The following POU2F1 variants were observed in gnomAD, a reference collection of about 807,000 sequenced individuals.
The protein encoded by POU2F1 is POU class 2 homeobox 1.
A neutral mutation model predicts 84.9 loss-of-function variants in POU2F1; 16 were observed. That is an observed-to-expected ratio of 0.19 (90% CI 0.13 to 0.29). The LOEUF (loss-of-function observed/expected upper bound fraction) is 0.29, where lower values mean the gene tolerates loss of function less well. Ranked by LOEUF, POU2F1 falls within the 10% of genes least tolerant of loss-of-function variation. The pLI, the probability that POU2F1 is intolerant of heterozygous loss-of-function variation, is 1.00. For missense variants in POU2F1, 738 were observed against 942.6 expected, an observed-to-expected ratio of 0.78 and a Z score of 2.84; for synonymous variants, 368 against 368.3, an observed-to-expected ratio of 1.00 and a Z score of 0.01.
chr1:167,363,945 C>G (rs529490361), intron 2 of POU2F1, among the ~76,000 whole-genome samples: 3 of 152,290 alleles, frequency 2.0e-5, no homozygotes, highest in African/African-American at 7.2e-5. Context: ...TTGTGCTCTT[C>G]TGACTGGTTT....
intron 9 of POU2F1, among the ~76,000 whole-genome samples, chr1:167,391,494 G>A (rs928052808): frequency 6.6e-6 from 1 of 150,916 alleles, no homozygotes; most frequent in African/African-American, 2.4e-5. Flanking sequence ...AAAATCCAAG[G>A]GTAGCATCCC....
intron 1 of POU2F1, among the ~76,000 whole-genome samples, chr1:167,257,399 A>G (rs533280532): frequency 6.6e-6 from 1 of 152,336 alleles, no homozygotes; most frequent in Admixed American, 6.5e-5. Context: ...TGAGAGGTGG[A>G]TGGCATTTTG....
At chr1:167,266,622 A>ATT (rs34659711) in intron 1 of POU2F1, among the ~76,000 whole-genome samples, 94 of 136,820 alleles carry the variant, frequency 6.9e-4, no homozygotes, top group African/African-American at 1.9e-3. Context: ...AATACTATTA[A>ATT]TTTTTTTTTT....
At chr1:167,293,403 A>G (rs1252982392) in intron 1 of POU2F1, among the ~76,000 whole-genome samples, 1 of 152,202 alleles carries the variant, frequency 6.6e-6, no homozygotes, top group Non-Finnish European at 1.5e-5. Context: ...TAAAATACCT[A>G]GGAATATACT....
intron 1 of POU2F1, among the ~76,000 whole-genome samples, chr1:167,288,576 G>T (rs1376882169): frequency 3.3e-5 from 5 of 152,144 alleles, no homozygotes; most frequent in Admixed American, 3.3e-4. Flanking sequence ...TGTAGTTCCA[G>T]CTACTCAGGA....
chr1:167,263,657 CT>C (rs1651738289), intron 1 of POU2F1, among the ~76,000 whole-genome samples: 1 of 152,186 alleles, frequency 6.6e-6, no homozygotes, highest in South Asian at 2.1e-4. Context: ...TACTCAAAGC[CT>C]TCAGTATCTC....
intron 1 of POU2F1, among the ~76,000 whole-genome samples, chr1:167,272,176 A>G (rs1267499965): frequency 6.6e-6 from 1 of 152,202 alleles, no homozygotes; most frequent in African/African-American, 2.4e-5. Flanking sequence ...AGTTTTTTGT[A>G]AGACTAGGAA....
intron 2 of POU2F1, among the ~76,000 whole-genome samples, chr1:167,339,871 TATG>T (rs1312891507): frequency 1.3e-5 from 2 of 152,242 alleles, no homozygotes; most frequent in Non-Finnish European, 2.9e-5. Flanking sequence ...TGTACTAGAA[TATG>T]ATGATAGTGG....
At chr1:167,280,794 A>G (rs1653076480) in intron 1 of POU2F1, among the ~76,000 whole-genome samples, 1 of 152,198 alleles carries the variant, frequency 6.6e-6, no homozygotes, top group African/African-American at 2.4e-5. Flanking sequence ...TGAAATTATA[A>G]TTGTGCTAAA....
intron 9 of POU2F1, among the ~76,000 whole-genome samples, chr1:167,394,633 A>G (rs994589470): frequency 6.6e-6 from 1 of 152,176 alleles, no homozygotes; most frequent in African/African-American, 2.4e-5. Context: ...GATGCTGAAG[A>G]ACTGAATTTT....
At chr1:167,234,032 A>T (rs1649270194) in intron 1 of POU2F1, among the ~76,000 whole-genome samples, 1 of 152,202 alleles carries the variant, frequency 6.6e-6, no homozygotes, top group African/African-American at 2.4e-5. Context: ...TAAGTGGCAC[A>T]CCTAGGTCTC....
rs1006954460 is a variant in POU2F1, at chr1:167,374,433, G to T, written c.591+137G>T. 1.2e-4 allele frequency: 89 copies of T among 732,528 alleles called. No homozygotes were observed. The Admixed American group carries it at 2.8e-3, about 23-fold the overall frequency. The allele number at this position is 732,528 out of a possible 1,614,324, so 45.4% of individuals were successfully genotyped here. A position where few individuals can be genotyped will look rare whatever the true frequency, so the allele number is the denominator to read the frequency against. ...GAGCTCTAGATCAGTGAGGTAAGCGGTACCCTTCCTTACCACTGAATTAGA... is the reference window on the plus strand; with the variant it reads ...GAGCTCTAGATCAGTGAGGTAAGCGTTACCCTTCCTTACCACTGAATTAGA... On this transcript the variant is annotated intron_variant, in intron 6 of 15. Transcript: ENST00000367866.
At chr1:167,306,609 A>G (rs1655080893) in intron 1 of POU2F1, among the ~76,000 whole-genome samples, 1 of 152,184 alleles carries the variant, frequency 6.6e-6, no homozygotes, top group South Asian at 2.1e-4. Flanking sequence ...ATGCCGTAAC[A>G]CGGTACTACA....
intron 3 of POU2F1, among the ~76,000 whole-genome samples, chr1:167,367,980 A>G (rs968093432): frequency 1.8e-4 from 27 of 152,144 alleles, no homozygotes; most frequent in African/African-American, 6.5e-4. Context: ...TTACTTCTAA[A>G]TACTTCAGCA....
At chr1:167,374,958 G>A (rs914933804) in intron 6 of POU2F1, among the ~76,000 whole-genome samples, 7 of 151,706 alleles carry the variant, frequency 4.6e-5, no homozygotes, top group South Asian at 2.1e-4. Flanking sequence ...TCCCAGCTAC[G>A]CGGGAGGTTG....
intron 1 of POU2F1, among the ~76,000 whole-genome samples, chr1:167,304,763 G>A (rs1654941758): frequency 1.3e-5 from 2 of 152,030 alleles, no homozygotes; most frequent in Non-Finnish European, 2.9e-5. Flanking sequence ...ACTAATTTGG[G>A]CAAGTCCAAA....
chr1:167,262,028 G>GA (rs1651603897), intron 1 of POU2F1, among the ~76,000 whole-genome samples: 1 of 152,160 alleles, frequency 6.6e-6, no homozygotes, highest in Non-Finnish European at 1.5e-5. Context: ...TGATTGCTTT[G>GA]AAAATATGTT....
At chr1:167,374,326 G>A (rs1366692426) in intron 6 of POU2F1, 30 bp downstream of exon 6, 2 of 1,534,430 alleles carry the variant, frequency 1.3e-6, no homozygotes, top group Middle Eastern at 2.3e-4. Context: ...AGCTGGGGCA[G>A]CAAGTGAGGA....
chr1:167,377,897 G>T lies in POU2F1; in HGVS notation c.718+1742G>T, dbSNP rs563783512. ...CATATGTACTGAAAGTTTTATGGCT[G>T]TATAGTATTCCGTTGTGTATATGCA... On this transcript the variant is annotated intron_variant, in intron 7 of 15. Coordinates refer to ENST00000367866, the MANE Select transcript of POU2F1 (RefSeq NM_002697.4). Among the ~76,000 whole-genome samples, 86 of 152,176 alleles carry T rather than the reference G, an allele frequency of 5.7e-4. 1 individual carries two copies. The highest frequency in any genetic ancestry group is 2.1e-3 in the African/African-American group (86 of 41,534).
Sources: gnomAD v4.1 joint callset for allele counts (sites outside exome capture counted in the v4.1 genomes callset) on GRCh38, gnomAD v4.1.1 for gene constraint, MANE v1.5 for transcripts, NCBI Gene and HGNC (gene_info 2026-07-23, HGNC 2026-07-21) for gene names.